TTC9: variants seen among roughly 807,000 people sequenced by gnomAD.
TTC9 encodes the protein tetratricopeptide repeat protein 9A.
Under a neutral mutation model 22.9 loss-of-function variants are expected in TTC9, and 13 were observed. That is an observed-to-expected ratio of 0.57 (90% CI 0.37 to 0.90). The LOEUF is 0.90. Ranked by LOEUF, TTC9 falls within the 40% of genes least tolerant of loss-of-function variation. TTC9 has a pLI of 0.01. For missense variants in TTC9, 280 were observed against 291.8 expected (o/e 0.96, Z 0.29); for synonymous variants, 148 against 133.2 (o/e 1.11, Z -0.77).
chr14:70,671,128 C>A lies in TTC9; in HGVS notation c.642C>A (p.Cys214Ter). The A allele has an allele frequency of 6.2e-7, 1 of 1,613,780 alleles. No homozygotes were observed. Residue 214 changes from cysteine (C) to a stop codon, truncating the protein, a stop_gained, in exon 3 of 3, where the codon TGC becomes TGA. Transcript: ENST00000256367. LOFTEE classifies it high-confidence loss of function. ...IQLTEMKLSRCSQREKEAM is the reference protein window; with the variant it reads ...IQLTEMKLSR ...TGACGGAGATGAAACTCAGCCGATGCTCCCAGAGAGAAAAAGAAGCCATGT... is the reference window on the plus strand; with the variant it reads ...TGACGGAGATGAAACTCAGCCGATGATCCCAGAGAGAAAAAGAAGCCATGT...
At chr14:70,660,155 C>A (rs962060653) in intron 1 of TTC9, among the ~76,000 whole-genome samples, 2 of 152,216 alleles carry the variant, frequency 1.3e-5, no homozygotes, top group Non-Finnish European at 2.9e-5. Context: ...TCCCCATCTC[C>A]TTGGCCGGGG....
intron 1 of TTC9, among the ~76,000 whole-genome samples, chr14:70,654,095 C>T (rs576218012): frequency 1.3e-5 from 2 of 152,082 alleles, no homozygotes; most frequent in South Asian, 2.1e-4. Flanking sequence ...CCCTTGGATC[C>T]GCTCACAGCT....
At chr14:70,652,492 A>G (rs1439371666) in intron 1 of TTC9, among the ~76,000 whole-genome samples, 1 of 152,242 alleles carries the variant, frequency 6.6e-6, no homozygotes, top group African/African-American at 2.4e-5. Context: ...ATTATCCCCA[A>G]ATTCAACTAA....
intron 1 of TTC9, among the ~76,000 whole-genome samples, chr14:70,643,217 G>A (rs1002230209): frequency 3.3e-5 from 5 of 152,104 alleles, no homozygotes; most frequent in African/African-American, 1.2e-4. Flanking sequence ...CTCCCTGCCC[G>A]TTTCTCACTA....
intron 1 of TTC9, among the ~76,000 whole-genome samples, chr14:70,654,324 C>T (rs998612258): frequency 2.4e-4 from 36 of 152,046 alleles, no homozygotes; most frequent in African/African-American, 8.2e-4. Context: ...GGAGTGGTGG[C>T]TTATGCCTGT....
chr14:70,662,035 T>A (rs1886151241), intron 1 of TTC9, among the ~76,000 whole-genome samples: 1 of 152,194 alleles, frequency 6.6e-6, no homozygotes, highest in Non-Finnish European at 1.5e-5. Flanking sequence ...AGGCTTGTCT[T>A]CATTCTCCAC....
At position 70,671,081 on chromosome 14, in the gene TTC9, A is replaced by G. The variant is rs990246073; in HGVS notation, c.595A>G (p.Asn199Asp). 3 of 1,613,584 alleles carry G rather than the reference A, an allele frequency of 1.9e-6. No individual in the cohort carries two copies. The highest frequency in any genetic ancestry group is 2.5e-6 in the Non-Finnish European group (3 of 1,179,636). ...EARTQQPTDT[N>D]VIRYIQLTEM... is the part of the protein sequence containing the mutation. Reference sequence around the variant, plus strand: ...GTTTATTTCTCTCCTCACAGACACCAACGTGATTCGGTATATCCAGCTGAC... The same window carrying G: ...GTTTATTTCTCTCCTCACAGACACCGACGTGATTCGGTATATCCAGCTGAC... Residue 199 changes from asparagine (N) to aspartate (D), a missense_variant, in exon 3 of 3, where the codon AAC becomes GAC. Transcript: ENST00000256367.
At chr14:70,651,194 A>G (rs1421740602) in intron 1 of TTC9, among the ~76,000 whole-genome samples, 1 of 152,150 alleles carries the variant, frequency 6.6e-6, no homozygotes, top group African/African-American at 2.4e-5. Context: ...GTTGGCCAGG[A>G]TGGCCTCTAA....
chr14:70,643,819 C>T (rs982630545), intron 1 of TTC9, among the ~76,000 whole-genome samples: 1 of 152,246 alleles, frequency 6.6e-6, no homozygotes. Flanking sequence ...ACCCAGGCTA[C>T]GGAGGCACTT....
intron 2 of TTC9, among the ~76,000 whole-genome samples, chr14:70,668,879 G>A (rs1334736281): frequency 6.7e-6 from 1 of 149,702 alleles, no homozygotes; most frequent in Non-Finnish European, 1.5e-5. Context: ...GAGTAAGGCT[G>A]GGCGCGGTGG....
In TTC9 at chr14:70,670,894, A is replaced by C. The variant is rs528740766; in HGVS notation, c.590-182A>C. ...CAACCTGTCCACATTTGCTAAGGGG[A>C]GACAGTGAAGGAGAGGGTCGACATC... On this transcript the variant is annotated intron_variant, in intron 2 of 2. Transcript: ENST00000256367. Among the ~76,000 whole-genome samples, 17 of 152,072 alleles carry C rather than the reference A, an allele frequency of 1.1e-4. No individual in the cohort carries two copies. In the East Asian group the frequency reaches 3.3e-3, roughly 29 times the overall value.
At chr14:70,646,365 G>A (rs1272561472) in intron 1 of TTC9, among the ~76,000 whole-genome samples, 1 of 152,140 alleles carries the variant, frequency 6.6e-6, no homozygotes, top group Non-Finnish European at 1.5e-5. Flanking sequence ...CCTGTTGATG[G>A]ACTCTTCTTG....
At position 70,652,799 on chromosome 14, in the gene TTC9, C is replaced by T. The variant is rs1374553786; in HGVS notation, c.406+10264C>T. On this transcript the variant is annotated intron_variant, in intron 1 of 2. Transcript: ENST00000256367. ...ACTCCTTTCTCTAATGGATCTGCAC[C>T]TCCAGGTTGTGGAGACCACAGGACC... 2.6e-5 allele frequency among the ~76,000 whole-genome samples: 4 copies of T among 152,314 alleles called. No individual in the cohort carries two copies. The East Asian group carries it at 7.7e-4, about 29-fold the overall frequency.
intron 1 of TTC9, among the ~76,000 whole-genome samples, chr14:70,661,256 T>C (rs1886141293): frequency 6.6e-6 from 1 of 152,166 alleles, no homozygotes. Flanking sequence ...TCAAATTGGA[T>C]TAGGGCCCAT....
chr14:70,656,825 C>T (rs78345079), intron 1 of TTC9, among the ~76,000 whole-genome samples: 2 of 152,326 alleles, frequency 1.3e-5, no homozygotes, highest in Non-Finnish European at 2.9e-5. Flanking sequence ...TCCAAAGTCC[C>T]GCTTCCAGAC....
At chr14:70,660,208 A>C (rs1203473621) in intron 1 of TTC9, among the ~76,000 whole-genome samples, 2 of 152,222 alleles carry the variant, frequency 1.3e-5, no homozygotes, top group Non-Finnish European at 2.9e-5. Context: ...TAACAAGAGA[A>C]GTATCCAAAT....
At chr14:70,665,840 G>A (rs1050768390) in intron 1 of TTC9, among the ~76,000 whole-genome samples, 1 of 152,120 alleles carries the variant, frequency 6.6e-6, no homozygotes, top group Admixed American at 6.6e-5. Context: ...TGAAATCAGT[G>A]ACTTGTCTCT....
intron 1 of TTC9, among the ~76,000 whole-genome samples, chr14:70,659,741 A>G (rs1566699563): frequency 1.3e-5 from 2 of 152,282 alleles, no homozygotes; most frequent in Admixed American, 6.5e-5. Flanking sequence ...TGCCTCAAAT[A>G]TGTCTAATGA....
chr14:70,660,840 C>T (rs760446012), intron 1 of TTC9, among the ~76,000 whole-genome samples: 7 of 152,238 alleles, frequency 4.6e-5, no homozygotes, highest in Non-Finnish European at 1.0e-4. Flanking sequence ...GTCATTGCTT[C>T]TTGAAATAAA....
Sources: allele counts gnomAD v4.1 joint callset (sites outside exome capture counted in the v4.1 genomes callset), GRCh38; gene constraint gnomAD v4.1.1; transcripts MANE v1.5; gene names NCBI Gene and HGNC (gene_info 2026-07-23, HGNC 2026-07-21).